SLC31A1: variants seen among roughly 807,000 people sequenced by gnomAD.
SLC31A1 encodes the protein high affinity copper uptake protein 1.
SLC31A1 carries 5 observed loss-of-function variants against 17.2 expected under a neutral mutation model. The observed-to-expected ratio is 0.29, with a 90% CI of 0.15 to 0.61. The LOEUF (loss-of-function observed/expected upper bound fraction) is 0.61, where lower values mean the gene tolerates loss of function less well. Among genes scored for constraint, SLC31A1 ranks in the 20% least tolerant of loss-of-function variants. The probability of loss-of-function intolerance (pLI) is 0.86; values close to 1 mark genes in which losing one functional copy is unlikely to be tolerated. For missense variants in SLC31A1, 161 were observed against 241.4 expected, an observed-to-expected ratio of 0.67 and a Z score of 2.21; for synonymous variants, 76 against 78.8, an observed-to-expected ratio of 0.96 and a Z score of 0.19.
Position 113,258,992 on chromosome 9 carries a change from C to T in SLC31A1, c.371+130C>T. The T allele has an allele frequency of 1.0e-6, 1 of 979,290 alleles. No homozygotes were observed. The highest frequency in any genetic ancestry group is 1.6e-6 in the Non-Finnish European group (1 of 622,856). 60.7% of individuals were successfully genotyped at this position (979,290 alleles called of 1,614,324 possible). ...CTGTATGACCTTGATCAAAACTGTC[C>T]TTGGAGGTTTGGGTTTGTAGGTCAT... On this transcript the variant is annotated intron_variant, in intron 4 of 4. Coordinates refer to ENST00000374212, the MANE Select transcript of SLC31A1 (RefSeq NM_001859.4). The surrounding 1 kb of genome is among the most constrained non-coding windows in gnomAD (Gnocchi z 4.8).
intron 1 of SLC31A1, among the ~76,000 whole-genome samples, chr9:113,230,323 A>T (rs547829997): frequency 3.0e-4 from 46 of 152,330 alleles, no homozygotes; most frequent in African/African-American, 1.0e-3. Flanking sequence ...TCCCTGGCTC[A>T]GGCTATCCTC....
At chr9:113,254,967 A>T (rs993492394) in intron 1 of SLC31A1, among the ~76,000 whole-genome samples, 5 of 152,180 alleles carry the variant, frequency 3.3e-5, no homozygotes, top group African/African-American at 1.2e-4. Context: ...GCAGCAATAC[A>T]GTGATGTGGT....
chr9:113,246,629 G>A (rs1231962435), intron 1 of SLC31A1, among the ~76,000 whole-genome samples: 2 of 152,068 alleles, frequency 1.3e-5, no homozygotes, highest in Non-Finnish European at 2.9e-5. Flanking sequence ...GGGATTATAG[G>A]CGTGAGCCAC....
chr9:113,258,815 C>A lies in SLC31A1; in HGVS notation c.324C>A (p.Val108=). ...QVSIRYNSMP[V]PGPNGTILME... ...GCATTCGCTACAATTCCATGCCTGT[C>A]CCAGGACCAAATGGAACCATCCTTA... Residue 108 remains valine, a synonymous_variant, in exon 4 of 5, where the codon GTC becomes GTA. Transcript: ENST00000374212. The surrounding 1 kb of genome is among the most constrained non-coding windows in gnomAD (Gnocchi z 4.8). 3 of 1,614,236 alleles carry A rather than the reference C, an allele frequency of 1.9e-6. 1 individual carries two copies. Among genetic ancestry groups the A allele is most frequent in the Non-Finnish European group, 2.5e-6 (3 of 1,180,042 alleles).
At chr9:113,230,473 G>A (rs1297356383) in intron 1 of SLC31A1, among the ~76,000 whole-genome samples, 3 of 152,056 alleles carry the variant, frequency 2.0e-5, no homozygotes, top group African/African-American at 7.3e-5. Flanking sequence ...TGCCCGGGCT[G>A]GTCTTGAACT....
At chr9:113,239,741 G>A (rs1352346547) in intron 1 of SLC31A1, among the ~76,000 whole-genome samples, 6 of 152,152 alleles carry the variant, frequency 3.9e-5, no homozygotes, top group African/African-American at 9.7e-5. Context: ...GCGCCACCAC[G>A]CCCAGCTAAC....
chr9:113,229,420 G>A (rs1253033233), intron 1 of SLC31A1, among the ~76,000 whole-genome samples: 1 of 152,070 alleles, frequency 6.6e-6, no homozygotes, highest in Admixed American at 6.6e-5. Flanking sequence ...AGTATATTCT[G>A]CTTTTATTTC....
chr9:113,229,008 G>A (rs371738724), intron 1 of SLC31A1, among the ~76,000 whole-genome samples: 43 of 152,198 alleles, frequency 2.8e-4, no homozygotes, highest in African/African-American at 9.9e-4. Context: ...CACCACGACC[G>A]GCTGATTTTA....
chr9:113,232,965 T>G (rs532930915), intron 1 of SLC31A1, among the ~76,000 whole-genome samples: 1 of 152,304 alleles, frequency 6.6e-6, no homozygotes, highest in Non-Finnish European at 1.5e-5. Context: ...GATTGAGAAG[T>G]AAAAATGAGT....
chr9:113,238,045 C>T (rs1831482356), intron 1 of SLC31A1, among the ~76,000 whole-genome samples: 1 of 152,208 alleles, frequency 6.6e-6, no homozygotes, highest in African/African-American at 2.4e-5. Context: ...CTTTTCTCCC[C>T]TCTTTTTCCC....
chr9:113,222,009 T>A (rs564988698), intron 1 of SLC31A1, among the ~76,000 whole-genome samples: 1 of 152,154 alleles, frequency 6.6e-6, no homozygotes, highest in African/African-American at 2.4e-5. Flanking sequence ...AATTTACAGA[T>A]AGGGAGACGA....
intron 1 of SLC31A1, among the ~76,000 whole-genome samples, chr9:113,251,197 C>A (rs868101589): frequency 6.6e-6 from 1 of 152,140 alleles, no homozygotes; most frequent in Admixed American, 6.5e-5. Context: ...CCAAGGTGGG[C>A]AGATCATTTG....
At chr9:113,251,604 A>G (rs1033901345) in intron 1 of SLC31A1, among the ~76,000 whole-genome samples, 3 of 152,194 alleles carry the variant, frequency 2.0e-5, no homozygotes, top group Non-Finnish European at 4.4e-5. Flanking sequence ...TTGAATTTCT[A>G]TTCTAGAGAG....
intron 1 of SLC31A1, among the ~76,000 whole-genome samples, chr9:113,222,464 A>G (rs982673030): frequency 6.6e-6 from 1 of 152,142 alleles, no homozygotes; most frequent in African/African-American, 2.4e-5. Context: ...CATTCTCGAA[A>G]CAATCCTGGG....
intron 1 of SLC31A1, among the ~76,000 whole-genome samples, chr9:113,237,735 T>G (rs1298365789): frequency 6.6e-6 from 1 of 152,200 alleles, no homozygotes; most frequent in Non-Finnish European, 1.5e-5. Flanking sequence ...CCTATTCTTT[T>G]AAGTGGAGTT....
rs59271432 is a variant in SLC31A1 at position 113,243,075 on chromosome 9, CT to C, written c.-35-13027del. On this transcript the variant is annotated intron_variant, in intron 1 of 4. Coordinates refer to ENST00000374212, the MANE Select transcript of SLC31A1 (RefSeq NM_001859.4). ...GGGCTTTGTGTTTTTATACTCTAGG[CT>C]TTTTTTTTTTTGTTTAAGTTTTAGC... 5.7e-3 allele frequency among the ~76,000 whole-genome samples: 789 copies of C among 139,406 alleles called. 6 individuals are homozygous for C. The highest frequency in any genetic ancestry group is 0.015 in the African/African-American group (584 of 38,302). 91.5% of individuals were successfully genotyped at this position (139,406 alleles called of 152,430 possible).
chr9:113,235,280 A>G (rs1286257152), intron 1 of SLC31A1, among the ~76,000 whole-genome samples: 1 of 152,224 alleles, frequency 6.6e-6, no homozygotes, highest in Non-Finnish European at 1.5e-5. Flanking sequence ...AGTTCAATTT[A>G]TACCCACCAG....
chr9:113,223,341 AAG>A, intron 1 of SLC31A1: 5 of 381,764 alleles, frequency 1.3e-5, no homozygotes, highest in South Asian at 5.9e-5. Context: ...AAAAAAAAAA[AAG>A]AAAGCCACTG....
chr9:113,224,695 T>G (rs1831322060), intron 1 of SLC31A1, among the ~76,000 whole-genome samples: 1 of 152,240 alleles, frequency 6.6e-6, no homozygotes. Context: ...CCCAAAGTGC[T>G]AGGATTAGAG....
Sources: allele counts gnomAD v4.1 joint callset (sites outside exome capture counted in the v4.1 genomes callset), GRCh38; gene constraint gnomAD v4.1.1; non-coding constraint Gnocchi (gnomAD v3.1); transcripts MANE v1.5; gene names NCBI Gene and HGNC (gene_info 2026-07-23, HGNC 2026-07-21).